The following MYO9B variants were observed in gnomAD, a reference collection of about 807,000 sequenced individuals.
MYO9B encodes unconventional myosin-IXb.
MYO9B carries 71 observed loss-of-function variants against 229.5 expected under a neutral mutation model. The observed-to-expected ratio is 0.31, with a 90% CI of 0.26 to 0.38. The LOEUF (loss-of-function observed/expected upper bound fraction) is 0.38, where lower values mean the gene tolerates loss of function less well. Ranked by LOEUF, MYO9B falls within the 10% of genes least tolerant of loss-of-function variation. The pLI, the probability that MYO9B is intolerant of heterozygous loss-of-function variation, is 1.00. For synonymous variants in MYO9B, 1,185 were observed against 1,235.8 expected (o/e 0.96, Z 0.86); for missense variants, 2,255 against 2,920.5 (o/e 0.77, Z 5.25).
rs149302237 is a variant in MYO9B at position 17,100,195 on chromosome 19, C to T, written c.-58-1465C>T. ...AAGAAACCTGCACTTGTAGGCCAGG[C>T]GTGGTGGCTCACCCCTCTAATCCCA... is the stretch of plus-strand genomic sequence containing the variant. On this transcript the variant is annotated intron_variant, in intron 1 of 39. Coordinates refer to ENST00000682292, the MANE Select transcript of MYO9B (RefSeq NM_004145.4). Among the ~76,000 whole-genome samples, 32 of 150,776 alleles carry T rather than the reference C, an allele frequency of 2.1e-4. No individual in the cohort carries two copies. In the East Asian group the frequency reaches 6.3e-3, roughly 30 times the overall value.
intron 1 of MYO9B, among the ~76,000 whole-genome samples, chr19:17,076,134 C>T (rs955425094): frequency 2.0e-5 from 3 of 150,982 alleles, no homozygotes; most frequent in Non-Finnish European, 4.4e-5. Flanking sequence ...TGAGCAGCTT[C>T]TCTGAAGAGG....
chr19:17,131,515 C>T (rs370601892), intron 2 of MYO9B, among the ~76,000 whole-genome samples: 5 of 152,186 alleles, frequency 3.3e-5, no homozygotes, highest in East Asian at 1.9e-4. Flanking sequence ...GTGATCTGCC[C>T]GCCTCAGCCT....
chr19:17,076,349 C>G (rs2057483749), intron 1 of MYO9B, among the ~76,000 whole-genome samples: 1 of 151,924 alleles, frequency 6.6e-6, no homozygotes, highest in South Asian at 2.1e-4. Context: ...AGGGCGGCGC[C>G]TGGCCCCCAG....
Position 17,161,122 on chromosome 19 carries a change from G to A in MYO9B, c.1420-1228G>A, listed in dbSNP as rs199657250. 3.5e-3 allele frequency among the ~76,000 whole-genome samples: 534 copies of A among 152,174 alleles called. 3 individuals carry two copies. Among genetic ancestry groups the A allele is most frequent in the Non-Finnish European group, 6.4e-3 (436 of 67,994 alleles). On this transcript the variant is annotated intron_variant, in intron 8 of 39. Coordinates refer to ENST00000682292, the MANE Select transcript of MYO9B (RefSeq NM_004145.4). ...GCCACAAAAGAGCTTTGATGCACAC[G>A]GTGACAGCCACATGGTGCACCCGGA...
chr19:17,167,405 T>G (rs962849081), intron 10 of MYO9B, among the ~76,000 whole-genome samples: 2 of 151,976 alleles, frequency 1.3e-5, no homozygotes, highest in Non-Finnish European at 2.9e-5. Flanking sequence ...TTACTTTTTA[T>G]GTCAGTTACA....
chr19:17,084,244 C>T (rs554750725), intron 1 of MYO9B, among the ~76,000 whole-genome samples: 75 of 150,672 alleles, frequency 5.0e-4, no homozygotes, highest in Non-Finnish European at 7.0e-4. Context: ...AGGCTGAGGC[C>T]GGAGGATCAC....
At chr19:17,160,368 C>T (rs1568279201) in intron 8 of MYO9B, among the ~76,000 whole-genome samples, 1 of 152,106 alleles carries the variant, frequency 6.6e-6, no homozygotes, top group Non-Finnish European at 1.5e-5. Flanking sequence ...ATTTCCTTGA[C>T]ACCCAAGAAA....
chr19:17,212,352 T>C lies in MYO9B; in HGVS notation c.*42T>C. ...AGTCTGCATGTCCGAGGACGGCCCC[T>C]GCACTGGAGCTGGGCGCCAGAGCTG... On this transcript the variant is annotated 3_prime_UTR_variant, in exon 40 of 40. Coordinates refer to ENST00000682292, the MANE Select transcript of MYO9B (RefSeq NM_004145.4). The surrounding 1 kb of genome is among the most constrained non-coding windows in gnomAD (Gnocchi z 5.4). The C allele has an allele frequency of 7.0e-7, 1 of 1,428,308 alleles. No individual in the cohort carries two copies. The highest frequency in any genetic ancestry group is 1.4e-5 in the African/African-American group (1 of 68,982). The allele number at this position is 1,428,308 out of a possible 1,614,324, so 88.5% of individuals were successfully genotyped here. A position where few individuals can be genotyped will look rare whatever the true frequency, so the allele number is the denominator to read the frequency against.
At chr19:17,206,865 A>G (rs779580496) in intron 34 of MYO9B, 81 bp downstream of exon 34, 44 of 1,339,044 alleles carry the variant, frequency 3.3e-5, no homozygotes, top group Non-Finnish European at 4.1e-5. Context: ...GGAGGACCCG[A>G]GCTGGCGTTC....
At chr19:17,080,096 A>G (rs1600009599) in intron 1 of MYO9B, among the ~76,000 whole-genome samples, 1 of 152,214 alleles carries the variant, frequency 6.6e-6, no homozygotes, top group Non-Finnish European at 1.5e-5. Context: ...GTAGTGATTC[A>G]AGGGTTCAGC....
chr19:17,095,638 A>G (rs1169220163), intron 1 of MYO9B: 1 of 152,208 alleles, frequency 6.6e-6, no homozygotes, highest in Admixed American at 6.5e-5. Context: ...CCTTTCGGCT[A>G]TTGTGAATAG....
intron 7 of MYO9B, chr19:17,157,297 G>A (rs776341462): frequency 1.5e-5 from 6 of 387,274 alleles, no homozygotes; most frequent in African/African-American, 8.2e-5. Flanking sequence ...TGTCTCACCT[G>A]TAATCCCAGT....
intron 1 of MYO9B, among the ~76,000 whole-genome samples, chr19:17,099,827 A>G (rs1299094585): frequency 6.6e-6 from 1 of 150,500 alleles, no homozygotes; most frequent in East Asian, 2.0e-4. Context: ...AAAAAAAAAA[A>G]AAAAAAAAGG....
At chr19:17,079,109 G>A (rs1020400793) in intron 1 of MYO9B, among the ~76,000 whole-genome samples, 6 of 152,138 alleles carry the variant, frequency 3.9e-5, no homozygotes, top group Non-Finnish European at 2.9e-5. Flanking sequence ...CCATGGCCAC[G>A]TGTCCCCTGG....
rs969758141 is a variant in MYO9B, at chr19:17,173,485, G to A, written c.2140+522G>A. 3.9e-5 allele frequency among the ~76,000 whole-genome samples: 6 copies of A among 152,006 alleles called. No individual in the cohort carries two copies. In the East Asian group the frequency reaches 5.8e-4, roughly 15 times the overall value. On this transcript the variant is annotated intron_variant, in intron 13 of 39. Coordinates refer to ENST00000682292, the MANE Select transcript of MYO9B (RefSeq NM_004145.4). ...ACATAGGCTAATTTTTGTATTTTTA[G>A]TAGAGACGGGGTTTCGCCCTGTTGG... is the stretch of plus-strand genomic sequence containing the variant.
At chr19:17,109,099 C>T (rs1337075215) in intron 2 of MYO9B, among the ~76,000 whole-genome samples, 4 of 143,744 alleles carry the variant, frequency 2.8e-5, no homozygotes, top group African/African-American at 7.8e-5. Context: ...CAGAGTTTCT[C>T]TCTGTCTCCG....
chr19:17,085,836 C>T (rs2057577307), intron 1 of MYO9B, among the ~76,000 whole-genome samples: 1 of 152,140 alleles, frequency 6.6e-6, no homozygotes, highest in African/African-American at 2.4e-5. Context: ...GGCGTGACGA[C>T]AGATGAGCTG....
intron 1 of MYO9B, among the ~76,000 whole-genome samples, chr19:17,098,125 G>T (rs914026764): frequency 8.6e-5 from 13 of 151,284 alleles, no homozygotes; most frequent in African/African-American, 3.2e-4. Flanking sequence ...CATGATTGCG[G>T]CTCGCTACAA....
At chr19:17,210,577 C>A (rs536591721) in intron 37 of MYO9B, 138 bp from the exon 38 acceptor site, 8 of 1,284,106 alleles carry the variant, frequency 6.2e-6, no homozygotes, top group Non-Finnish European at 8.4e-6. Context: ...CACTCTGTCC[C>A]ATGGGATTCC....
Sources: gnomAD v4.1 joint callset for allele counts (sites outside exome capture counted in the v4.1 genomes callset) on GRCh38, gnomAD v4.1.1 for gene constraint, Gnocchi (gnomAD v3.1) non-coding constraint, MANE v1.5 for transcripts, NCBI Gene and HGNC (gene_info 2026-07-23, HGNC 2026-07-21) for gene names.